The following PFAS variants were observed in gnomAD, a reference collection of about 807,000 sequenced individuals.
PFAS encodes the protein phosphoribosylformylglycinamidine synthase, also known as FGAM synthase.
PFAS carries 97 observed loss-of-function variants against 140.6 expected under a neutral mutation model. The observed-to-expected ratio is 0.69, with a 90% CI of 0.59 to 0.82. The LOEUF (loss-of-function observed/expected upper bound fraction) is 0.82, where lower values mean the gene tolerates loss of function less well. PFAS is among the 40% of genes least tolerant of loss of function. PFAS has a pLI of 0.00. For synonymous variants in PFAS, 679 were observed against 718.8 expected, an observed-to-expected ratio of 0.94 and a Z score of 0.88; for missense variants, 1,656 against 1,780.2, an observed-to-expected ratio of 0.93 and a Z score of 1.26.
At chr17:8,268,164 C>T (rs1354237369) in intron 26 of PFAS, among the ~76,000 whole-genome samples, 11 of 145,528 alleles carry the variant, frequency 7.6e-5, no homozygotes, top group Non-Finnish European at 1.1e-4. Context: ...TGGGTTCAAG[C>T]GATTTTCCTG....
intron 1 of PFAS, among the ~76,000 whole-genome samples, chr17:8,250,187 T>C (rs1360620092): frequency 1.3e-5 from 2 of 152,064 alleles, no homozygotes; most frequent in South Asian, 2.1e-4. Context: ...AAAAAGAGAA[T>C]GGTGTGAGAT....
chr17:8,264,158 C>T lies in PFAS; in HGVS notation c.1792-54C>T, dbSNP rs1989711595. The T allele has an allele frequency of 4.3e-5, 69 of 1,604,296 alleles. 1 individual carries two copies. In the South Asian group the frequency reaches 7.1e-4, roughly 16 times the overall value. ...TGTGCCCTGATTTCTAGGAACATTC[C>T]TTGCTGGTGTTCATAGTCTCATCCC... On this transcript the variant is annotated intron_variant, in intron 15 of 27. Transcript: ENST00000314666.
chr17:8,252,742 C>T (rs1398988254), intron 1 of PFAS, among the ~76,000 whole-genome samples: 1 of 152,032 alleles, frequency 6.6e-6, no homozygotes, highest in African/African-American at 2.4e-5. Flanking sequence ...CTCAGCCTCC[C>T]TAGTTGCTGG....
Position 8,265,569 on chromosome 17 carries a change from C to G in PFAS, c.2475C>G (p.Ile825Met). 6.2e-7 allele frequency: 1 copy of G among 1,614,162 alleles called. No individual in the cohort carries two copies. The highest frequency in any genetic ancestry group is 8.5e-7 in the Non-Finnish European group (1 of 1,179,984). The change falls in exon 20 of 28, where the codon ATC (isoleucine) becomes ATG (methionine). Residue 825 changes from isoleucine (I) to methionine (M), a missense_variant. This residue lies in a region of PFAS where 883 missense variants were observed against 1,023.0 expected (regional missense o/e 0.86). Transcript: ENST00000314666. Reference sequence around the variant, plus strand: ...CTTGCTCTACAGGGTCACTGGTCATCTCAGCCTATGCCGTCTGCCCAGACA... The same window carrying G: ...CTTGCTCTACAGGGTCACTGGTCATGTCAGCCTATGCCGTCTGCCCAGACA... ...ETVRAPGSLV[I>M]SAYAVCPDIT...
At chr17:8,251,526 G>C (rs568553561) in intron 1 of PFAS, among the ~76,000 whole-genome samples, 4 of 152,010 alleles carry the variant, frequency 2.6e-5, no homozygotes, top group Non-Finnish European at 2.9e-5. Flanking sequence ...GGCTCAAGCA[G>C]TCCACTGCTT....
At chr17:8,256,244 C>A (rs1458669151) in intron 6 of PFAS, 23 bp from the exon 7 acceptor site, 2 of 1,610,414 alleles carry the variant, frequency 1.2e-6, no homozygotes, top group African/African-American at 2.7e-5. Context: ...CCTGCCTTCC[C>A]CTCCCTGCAT....
intron 1 of PFAS, 28 bp from the exon 2 acceptor site, chr17:8,253,831 G>T (rs911034673): frequency 6.2e-6 from 9 of 1,453,550 alleles, no homozygotes; most frequent in Middle Eastern, 3.7e-4. Flanking sequence ...GAGCCACCAC[G>T]CCCGGCTTAG....
intron 3 of PFAS, 61 bp downstream of exon 3, chr17:8,254,362 T>G: frequency 1.3e-6 from 2 of 1,588,710 alleles, no homozygotes; most frequent in Non-Finnish European, 1.7e-6. Context: ...CTTGTGATCC[T>G]TGGGAGATTT....
chr17:8,266,302 T>C lies in PFAS; in HGVS notation c.2770T>C (p.Phe924Leu). Residue 924 changes from phenylalanine (F) to leucine (L), a missense_variant, in exon 22 of 28, where the codon TTT (phenylalanine) becomes CTT (leucine). Around this residue, in one of 2 missense-constraint regions of PFAS, gnomAD observed 883 missense variants for 1,023.0 expected, o/e 0.86. Transcript: ENST00000314666. This position sits in a 1 kb window ranked among gnomAD's most constrained non-coding sequence, Gnocchi z 5.0. The part of the protein sequence containing the change: ...GLVTCLLEMA[F>L]AGNCGLQVDV... ...CGTCACATGCCTGCTGGAGATGGCC[T>C]TTGCTGGAAATTGCGGGCTACAGGT... is the stretch of plus-strand genomic sequence containing the variant. 1 of 1,614,024 alleles carries C rather than the reference T, an allele frequency of 6.2e-7. No individual in the cohort carries two copies. The highest frequency in any genetic ancestry group is 8.5e-7 in the Non-Finnish European group (1 of 1,179,980).
chr17:8,258,245 A>C (rs775041312), intron 11 of PFAS, 46 bp downstream of exon 11: 42 of 1,607,358 alleles, frequency 2.6e-5, no homozygotes, highest in Admixed American at 6.7e-5. Context: ...CTTTCTCCCC[A>C]GCACAGGATG....
intron 8 of PFAS, 76 bp downstream of exon 8, chr17:8,256,724 G>C (rs1567637481): frequency 6.4e-7 from 1 of 1,565,954 alleles, no homozygotes; most frequent in Non-Finnish European, 8.6e-7. Context: ...CCTGGAGTGG[G>C]CCTGGGGAAA....
intron 3 of PFAS, 40 bp from the exon 4 acceptor site, chr17:8,254,987 C>CG (rs764666790): frequency 1.1e-4 from 155 of 1,443,492 alleles, no homozygotes; most frequent in Non-Finnish European, 5.9e-6. Context: ...TGAGGCCTGC[C>CG]GGGGGTTCTC....
At position 8,266,854 on chromosome 17, in the gene PFAS, T is replaced by G; in HGVS notation, c.2923T>G (p.Cys975Gly). The change falls in exon 23 of 28, where the codon TGC becomes GGC. Residue 975 changes from cysteine (C) to glycine (G), a missense_variant. By Grantham distance (159) the Cys-to-Gly change is radical. Around this residue, in one of 2 missense-constraint regions of PFAS, gnomAD observed 883 missense variants for 1,023.0 expected, o/e 0.86. Transcript: ENST00000314666. The surrounding 1 kb of genome is among the most constrained non-coding windows in gnomAD (Gnocchi z 5.0). ...GCGTTACCGGGATGCTGGCCTCCAT[T>G]GCCTGGAGCTGGGCCACACAGGCGA... ...LKRYRDAGLH[C>G]LELGHTGEAG... 6 of 1,609,302 alleles carry G rather than the reference T, an allele frequency of 3.7e-6. No homozygotes were observed. Among genetic ancestry groups the G allele is most frequent in the Non-Finnish European group, 5.1e-6 (6 of 1,179,574 alleles).
chr17:8,263,109 G>A lies in PFAS; in HGVS notation c.1411G>A (p.Val471Met). 6.2e-7 allele frequency: 1 copy of A among 1,614,018 alleles called. No individual in the cohort carries two copies. Among genetic ancestry groups the A allele is most frequent in the South Asian group, 1.1e-5 (1 of 91,082 alleles). The change falls in exon 13 of 28, where the codon GTG becomes ATG. Residue 471 changes from valine (V) to methionine (M), a missense_variant and splice_region_variant. Val to Met is a conservative substitution (Grantham distance 21, BLOSUM62 1). Transcript: ENST00000314666. ...TGAGCTATGCCATATATGCCCCCAGGTGCAGGGAGATAACACCAGTGACCT... is the reference window on the plus strand; with the variant it reads ...TGAGCTATGCCATATATGCCCCCAGATGCAGGGAGATAACACCAGTGACCT... ...VGGGAASSVQ[V>M]QGDNTSDLDF...
rs548897963 is a variant in PFAS, at chr17:8,259,518, AC to A, written c.1336+1320del. Among the ~76,000 whole-genome samples the A allele has an allele frequency of 1.8e-4, 27 of 152,268 alleles. No individual in the cohort carries two copies. In the East Asian group the frequency reaches 4.7e-3, roughly 26 times the overall value. The stretch of plus-strand genomic sequence containing the variant: ...TATAGTTGGTTGGGCACAGTGGCTC[AC>A]GCCTGTAATCCCAGCACTTTGGGAG... On this transcript the variant is annotated intron_variant, in intron 11 of 27. Transcript: ENST00000314666.
chr17:8,260,294 A>G (rs1419736881), intron 11 of PFAS, among the ~76,000 whole-genome samples: 1 of 152,134 alleles, frequency 6.6e-6, no homozygotes, highest in Admixed American at 6.5e-5. Context: ...GGCAATAGGA[A>G]TTTTTCAGCA....
At chr17:8,247,997 C>T (rs1179270612), upstream of PFAS, 3 of 1,610,304 alleles carry the variant, frequency 1.9e-6, no homozygotes, top group Non-Finnish European at 2.5e-6. Context: ...GTAATAGCAG[C>T]ACTCACGGAG....
rs368168914 is a variant in PFAS at position 8,255,659 on chromosome 17, G to A, written c.542G>A (p.Arg181Gln). ...NGPINILGEG[R>Q]LALEKANQEL... Reference sequence around the variant, plus strand: ...CCTATCAATATACTGGGTGAGGGCCGGCTTGCGCTGGAGAAGGCCAACCAG... The same window carrying A: ...CCTATCAATATACTGGGTGAGGGCCAGCTTGCGCTGGAGAAGGCCAACCAG... Residue 181 changes from arginine (R) to glutamine (Q), a missense_variant, in exon 5 of 28, where the codon CGG (arginine) becomes CAG (glutamine). Physicochemically the swap from Arg to Gln is conservative, Grantham distance 43. Around this residue, in one of 2 missense-constraint regions of PFAS, gnomAD observed 773 missense variants for 757.3 expected, o/e 1.02. Transcript: ENST00000314666. The A allele has an allele frequency of 3.2e-5, 51 of 1,582,842 alleles. No individual in the cohort carries two copies. The highest frequency in any genetic ancestry group is 9.2e-5 in the Admixed American group (5 of 54,572).
intron 9 of PFAS, 69 bp downstream of exon 9, chr17:8,257,032 A>G (rs1989398033): frequency 1.3e-6 from 2 of 1,528,220 alleles, no homozygotes; most frequent in East Asian, 2.2e-5. Flanking sequence ...GCAAACTTCT[A>G]TCTGTTAGGT....
Sources: allele counts gnomAD v4.1 joint callset (sites outside exome capture counted in the v4.1 genomes callset), GRCh38; gene constraint gnomAD v4.1.1; regional missense constraint gnomAD v4.1.1; non-coding constraint Gnocchi (gnomAD v3.1); transcripts MANE v1.5; gene names NCBI Gene and HGNC (gene_info 2026-07-23, HGNC 2026-07-21).